Variants in KIAA1549L observed in about 807,000 individuals in gnomAD.
The protein encoded by KIAA1549L is UPF0606 protein KIAA1549L.
KIAA1549L carries 88 observed loss-of-function variants against 160.7 expected under a neutral mutation model. The ratio of observed to expected loss-of-function variants is 0.55; its 90% CI spans 0.46 to 0.65. The LOEUF is 0.65. Among genes scored for constraint, KIAA1549L ranks in the 30% least tolerant of loss-of-function variants. The pLI is 0.00. For missense variants in KIAA1549L, 2,258 were observed against 2,437.5 expected, an observed-to-expected ratio of 0.93 and a Z score of 1.55; for synonymous variants, 950 against 976.7, an observed-to-expected ratio of 0.97 and a Z score of 0.51.
chr11:33,532,256 T>C (rs908721789), intron 1 of KIAA1549L, among the ~76,000 whole-genome samples: 9 of 152,216 alleles, frequency 5.9e-5, no homozygotes, highest in African/African-American at 2.2e-4. Context: ...TCCTGCCAAC[T>C]ATGAGGCATG....
chr11:33,397,768 A>AT lies in KIAA1549L; in HGVS notation c.238+20886dup, dbSNP rs1489756303. ...CACACACACACACAAAAGTGAAAAC[A>AT]TTTTTTTCTATTTAAAAAATTTATT... On this transcript the variant is annotated intron_variant, in intron 1 of 20. Coordinates refer to ENST00000658780, the MANE Select transcript of KIAA1549L (RefSeq NM_012194.3). Among the ~76,000 whole-genome samples, 5 of 151,638 alleles carry AT rather than the reference A, an allele frequency of 3.3e-5. No homozygotes were observed. The South Asian group carries it at 1.0e-3, about 32-fold the overall frequency.
intron 1 of KIAA1549L, among the ~76,000 whole-genome samples, chr11:33,377,985 C>G (rs895171467): frequency 6.6e-6 from 1 of 152,094 alleles, no homozygotes; most frequent in African/African-American, 2.4e-5. Context: ...TGTTCTATTG[C>G]GATTATAGTG....
chr11:33,378,744 G>C (rs1349786905), intron 1 of KIAA1549L, among the ~76,000 whole-genome samples: 1 of 152,060 alleles, frequency 6.6e-6, no homozygotes, highest in Admixed American at 6.6e-5. Context: ...GAGCTCCATG[G>C]TTTTCTGTGG....
intron 11 of KIAA1549L, among the ~76,000 whole-genome samples, chr11:33,584,449 A>G (rs1303074270): frequency 1.3e-5 from 2 of 152,154 alleles, no homozygotes; most frequent in Non-Finnish European, 1.5e-5. Flanking sequence ...CGGCCTCCAC[A>G]TCTCTGCACC....
intron 1 of KIAA1549L, among the ~76,000 whole-genome samples, chr11:33,436,994 A>G (rs1851394291): frequency 1.3e-5 from 2 of 152,238 alleles, no homozygotes; most frequent in Non-Finnish European, 2.9e-5. Flanking sequence ...TGTGAAAGGA[A>G]AAAGGTTAAC....
intron 16 of KIAA1549L, among the ~76,000 whole-genome samples, chr11:33,630,917 T>C (rs1353961427): frequency 6.6e-6 from 1 of 152,210 alleles, no homozygotes; most frequent in Non-Finnish European, 1.5e-5. Flanking sequence ...TCAACCCGTG[T>C]GAGGCTCTGT....
Position 33,554,452 on chromosome 11 carries a change from T to C in KIAA1549L, c.3855+2211T>C, listed in dbSNP as rs1486106338. Among the ~76,000 whole-genome samples the C allele has an allele frequency of 3.9e-5, 6 of 152,226 alleles. 1 individual carries two copies. In the South Asian group the frequency reaches 1.2e-3, roughly 31 times the overall value. On this transcript the variant is annotated intron_variant, in intron 6 of 20. Coordinates refer to ENST00000658780, the MANE Select transcript of KIAA1549L (RefSeq NM_012194.3). Reference sequence around the variant, plus strand: ...CATGTAACTGAAAGGTTCACATTTATTCCGACACAGTTGTATCCAGGTGAT... The same window carrying C: ...CATGTAACTGAAAGGTTCACATTTACTCCGACACAGTTGTATCCAGGTGAT...
chr11:33,491,742 G>A (rs1852668510), intron 1 of KIAA1549L, among the ~76,000 whole-genome samples: 1 of 152,192 alleles, frequency 6.6e-6, no homozygotes, highest in Admixed American at 6.5e-5. Flanking sequence ...AGTCCACTTT[G>A]TAAAGGCATC....
At chr11:33,398,038 C>T (rs1364357148) in intron 1 of KIAA1549L, among the ~76,000 whole-genome samples, 1 of 150,854 alleles carries the variant, frequency 6.6e-6, no homozygotes, top group African/African-American at 2.4e-5. Flanking sequence ...TCTCCTGCCT[C>T]AGCCTCCCGT....
At chr11:33,580,557 G>C (rs1170641020) in intron 10 of KIAA1549L, among the ~76,000 whole-genome samples, 1 of 127,156 alleles carries the variant, frequency 7.9e-6, no homozygotes, top group East Asian at 2.5e-4. Context: ...GGGGGACACA[G>C]TGAGATTCTG....
chr11:33,636,702 G>T (rs1453009488), intron 16 of KIAA1549L, among the ~76,000 whole-genome samples: 1 of 152,056 alleles, frequency 6.6e-6, no homozygotes, highest in African/African-American at 2.4e-5. Context: ...ATTAGCTATT[G>T]TTGTTAATTT....
chr11:33,417,800 C>T (rs1850918775), intron 1 of KIAA1549L, among the ~76,000 whole-genome samples: 1 of 150,000 alleles, frequency 6.7e-6, no homozygotes, highest in East Asian at 2.1e-4. Context: ...TTCTTTTCTA[C>T]ACAGTTTCAG....
At chr11:33,465,163 C>T (rs969889126) in intron 1 of KIAA1549L, among the ~76,000 whole-genome samples, 1 of 142,436 alleles carries the variant, frequency 7.0e-6, no homozygotes, top group African/African-American at 2.6e-5. Flanking sequence ...TCAAGTGATT[C>T]TCCTGCCTCA....
intron 1 of KIAA1549L, among the ~76,000 whole-genome samples, chr11:33,471,396 A>G (rs151193777): frequency 2.6e-5 from 4 of 152,222 alleles, no homozygotes; most frequent in Non-Finnish European, 5.9e-5. Context: ...ATTTTGCAAC[A>G]TTGGTAAACT....
chr11:33,557,062 A>G lies in KIAA1549L; in HGVS notation c.3856-2687A>G, dbSNP rs138579151. Among the ~76,000 whole-genome samples the G allele has an allele frequency of 9.1e-3, 1,379 of 152,202 alleles. 18 individuals carry two copies. Among genetic ancestry groups the G allele is most frequent in the African/African-American group, 0.032 (1,308 of 41,514 alleles). On this transcript the variant is annotated intron_variant, in intron 6 of 20. Coordinates refer to ENST00000658780, the MANE Select transcript of KIAA1549L (RefSeq NM_012194.3). ...GGGTGCAGTGGCACAATCATGGCTC[A>G]CTGCAGCCTCGGACTCCTGGGCTCA... is the stretch of plus-strand genomic sequence containing the variant.
intron 11 of KIAA1549L, among the ~76,000 whole-genome samples, chr11:33,587,169 T>C (rs957600689): frequency 3.3e-5 from 5 of 152,252 alleles, no homozygotes; most frequent in Admixed American, 3.3e-4. Flanking sequence ...ATAAGTTGGC[T>C]TTTATTGTTA....
At chr11:33,618,988 A>G (rs750827053) in intron 16 of KIAA1549L, among the ~76,000 whole-genome samples, 4 of 152,196 alleles carry the variant, frequency 2.6e-5, no homozygotes, top group African/African-American at 4.8e-5. Context: ...GACCACGGCC[A>G]TGGGTTAGAA....
chr11:33,658,998 C>T lies in KIAA1549L; in HGVS notation c.6007+100C>T, dbSNP rs117124040. On this transcript the variant is annotated intron_variant, in intron 19 of 20. Transcript: ENST00000658780. ...CAATCTCCTTTCTACCTACCACCCT[C>T]AGGAATCACAGCCACTGCATTTCTG... 4.8e-3 allele frequency: 5,787 copies of T among 1,208,638 alleles called. 25 individuals are homozygous for T. Among genetic ancestry groups the T allele is most frequent in the Non-Finnish European group, 5.9e-3 (5,242 of 882,824 alleles). The allele number at this position is 1,208,638 out of a possible 1,614,324, so 74.9% of individuals were successfully genotyped here. A position where few individuals can be genotyped will look rare whatever the true frequency, so the allele number is the denominator to read the frequency against.
intron 1 of KIAA1549L, among the ~76,000 whole-genome samples, chr11:33,513,921 T>A (rs1028882889): frequency 6.6e-6 from 1 of 152,148 alleles, no homozygotes; most frequent in African/African-American, 2.4e-5. Context: ...TGTCTGAAAA[T>A]TAAAATGAAT....
Sources: allele counts gnomAD v4.1 joint callset (sites outside exome capture counted in the v4.1 genomes callset), GRCh38; gene constraint gnomAD v4.1.1; transcripts MANE v1.5; gene names NCBI Gene and HGNC (gene_info 2026-07-23, HGNC 2026-07-21).